TMEM132B: variants seen among roughly 807,000 people sequenced by gnomAD.
TMEM132B encodes transmembrane protein 132B.
In TMEM132B, 18 loss-of-function variants were observed where a neutral mutation model predicts 90.8. The observed-to-expected ratio is 0.20, with a 90% CI of 0.14 to 0.29. TMEM132B has a LOEUF of 0.29. Among genes scored for constraint, TMEM132B ranks in the 10% least tolerant of loss-of-function variants. The probability of loss-of-function intolerance (pLI) is 1.00; values close to 1 mark genes in which losing one functional copy is unlikely to be tolerated. For missense variants in TMEM132B, 1,096 were observed against 1,326.8 expected (o/e 0.83, Z 2.70); for synonymous variants, 504 against 523.3 (o/e 0.96, Z 0.50).
intron 1 of TMEM132B, among the ~76,000 whole-genome samples, chr12:125,193,598 C>A (rs571599728): frequency 1.3e-5 from 2 of 152,298 alleles, no homozygotes; most frequent in Non-Finnish European, 2.9e-5. Flanking sequence ...TAATTTGAGA[C>A]CTTAATGACC....
intron 5 of TMEM132B, among the ~76,000 whole-genome samples, chr12:125,591,094 G>A (rs1349664083): frequency 1.3e-5 from 2 of 152,140 alleles, no homozygotes; most frequent in East Asian, 1.9e-4. Flanking sequence ...TGAGCTAGTA[G>A]CCAAATATTG....
chr12:125,427,087 C>T (rs1045078655), intron 3 of TMEM132B, among the ~76,000 whole-genome samples: 3 of 152,174 alleles, frequency 2.0e-5, no homozygotes, highest in Non-Finnish European at 4.4e-5. Flanking sequence ...ATATTATATT[C>T]GTCTTGCAAA....
chr12:125,623,782 G>A (rs1886167785), intron 5 of TMEM132B, among the ~76,000 whole-genome samples: 1 of 152,214 alleles, frequency 6.6e-6, no homozygotes, highest in Admixed American at 6.5e-5. Flanking sequence ...TGTGTCCCCA[G>A]AGTCCTGCTC....
At chr12:125,368,294 G>A (rs1439435347) in intron 2 of TMEM132B, among the ~76,000 whole-genome samples, 1 of 152,132 alleles carries the variant, frequency 6.6e-6, no homozygotes. Context: ...CCACAGAAAT[G>A]ATACTGTGTT....
intron 4 of TMEM132B, among the ~76,000 whole-genome samples, chr12:125,548,924 C>T (rs1445111221): frequency 2.0e-5 from 3 of 152,022 alleles, no homozygotes; most frequent in Non-Finnish European, 2.9e-5. Flanking sequence ...TGATGGGGAG[C>T]CCCTGAGCCA....
At chr12:125,645,889 C>A (rs1361460989) in intron 6 of TMEM132B, among the ~76,000 whole-genome samples, 1 of 152,130 alleles carries the variant, frequency 6.6e-6, no homozygotes, top group Admixed American at 6.5e-5. Flanking sequence ...TGTGAGCGTG[C>A]CTTTGGCATC....
chr12:125,525,233 A>G (rs1373240205), intron 4 of TMEM132B, among the ~76,000 whole-genome samples: 1 of 152,164 alleles, frequency 6.6e-6, no homozygotes, highest in African/African-American at 2.4e-5. Flanking sequence ...ACGGATCACA[A>G]AGAATGTATG....
chr12:125,472,805 T>C (rs1441848796), intron 3 of TMEM132B, among the ~76,000 whole-genome samples: 1 of 152,176 alleles, frequency 6.6e-6, no homozygotes, highest in African/African-American at 2.4e-5. Flanking sequence ...GCCTTGATCT[T>C]GGACTTCCCA....
At chr12:125,242,590 C>T (rs1006215993) in intron 1 of TMEM132B, among the ~76,000 whole-genome samples, 2 of 152,222 alleles carry the variant, frequency 1.3e-5, no homozygotes, top group Non-Finnish European at 2.9e-5. Context: ...GCTAGGATCT[C>T]TTGTGTCCCT....
At position 125,652,783 on chromosome 12, in the gene TMEM132B, G is replaced by A. The variant is rs182279634; in HGVS notation, c.2106+151G>A. 1.2e-4 allele frequency: 106 copies of A among 904,132 alleles called. 1 individual carries two copies. In the East Asian group the frequency reaches 2.6e-3, roughly 22 times the overall value. The allele number at this position is 904,132 out of a possible 1,614,324, so 56.0% of individuals were successfully genotyped here. A position where few individuals can be genotyped will look rare whatever the true frequency, so the allele number is the denominator to read the frequency against. Reference sequence around the variant, plus strand: ...TTCTTATCCAGGCCACCCTGTCTCTGAGAAAAGTATTCAGTGGCTTAGACA... The same window carrying A: ...TTCTTATCCAGGCCACCCTGTCTCTAAGAAAAGTATTCAGTGGCTTAGACA... On this transcript the variant is annotated intron_variant, in intron 8 of 8. Transcript: ENST00000682704.
In TMEM132B at chr12:125,492,786, C is replaced by T. The variant is rs1043459729; in HGVS notation, c.1107-26653C>T. 2.0e-5 allele frequency among the ~76,000 whole-genome samples: 3 copies of T among 152,200 alleles called. No homozygotes were observed. Among genetic ancestry groups the T allele is most frequent in the Admixed American group, 6.5e-5 (1 of 15,286 alleles). Reference sequence around the variant, plus strand: ...CACTCAGCCACGCCCGCAGATCTCACTTGGCTCCAAAATGGGCTGGGCCCT... The same window carrying T: ...CACTCAGCCACGCCCGCAGATCTCATTTGGCTCCAAAATGGGCTGGGCCCT... On this transcript the variant is annotated intron_variant, in intron 3 of 8. Transcript: ENST00000682704. This position sits in a 1 kb window ranked among gnomAD's most constrained non-coding sequence, Gnocchi z 5.8.
At chr12:125,258,433 G>A (rs547763543) in intron 1 of TMEM132B, among the ~76,000 whole-genome samples, 2 of 152,292 alleles carry the variant, frequency 1.3e-5, no homozygotes, top group South Asian at 4.1e-4. Context: ...TCATTCATAT[G>A]TCTGGCTCCT....
intron 1 of TMEM132B, among the ~76,000 whole-genome samples, chr12:125,292,386 C>T (rs963733297): frequency 5.3e-5 from 8 of 152,118 alleles, no homozygotes; most frequent in Admixed American, 2.0e-4. Context: ...AGCTGGTGGC[C>T]TACAGCCAGG....
chr12:125,341,830 G>A (rs1877188575), intron 1 of TMEM132B, among the ~76,000 whole-genome samples: 1 of 152,154 alleles, frequency 6.6e-6, no homozygotes. Context: ...GAATACAGAG[G>A]TAGTTGATGA....
chr12:125,599,473 T>C (rs1467502268), intron 5 of TMEM132B, among the ~76,000 whole-genome samples: 1 of 152,156 alleles, frequency 6.6e-6, no homozygotes, highest in Non-Finnish European at 1.5e-5. Flanking sequence ...CTAGCCAGCT[T>C]AACATAAATC....
chr12:125,649,446 C>G (rs1886850811), intron 6 of TMEM132B, among the ~76,000 whole-genome samples: 2 of 152,226 alleles, frequency 1.3e-5, no homozygotes, highest in South Asian at 4.1e-4. Flanking sequence ...CCTCGGGAGA[C>G]AACCAGCTGT....
At chr12:125,561,011 C>T (rs1395677640) in intron 4 of TMEM132B, among the ~76,000 whole-genome samples, 2 of 151,982 alleles carry the variant, frequency 1.3e-5, no homozygotes, top group African/African-American at 2.4e-5. Flanking sequence ...ACCCAGTGAT[C>T]GCATTACCAG....
At chr12:125,366,243 G>A (rs1045790401) in intron 2 of TMEM132B, among the ~76,000 whole-genome samples, 2 of 152,066 alleles carry the variant, frequency 1.3e-5, no homozygotes, top group Non-Finnish European at 2.9e-5. Context: ...GTGTGTGTGT[G>A]TGTACACAGC....
intron 1 of TMEM132B, among the ~76,000 whole-genome samples, chr12:125,311,435 G>C (rs1876120897): frequency 6.6e-6 from 1 of 152,158 alleles, no homozygotes; most frequent in Non-Finnish European, 1.5e-5. Context: ...AGTTTGCTCA[G>C]GTTGAAAACT....
Sources: gnomAD v4.1 joint callset for allele counts (sites outside exome capture counted in the v4.1 genomes callset) on GRCh38, gnomAD v4.1.1 for gene constraint, Gnocchi (gnomAD v3.1) non-coding constraint, MANE v1.5 for transcripts, NCBI Gene and HGNC (gene_info 2026-07-23, HGNC 2026-07-21) for gene names.